Variants in NAV2 observed in about 807,000 individuals in gnomAD.
The protein encoded by NAV2 is neuron navigator 2.
Under a neutral mutation model 223.2 loss-of-function variants are expected in NAV2, and 54 were observed. The observed-to-expected ratio is 0.24, with a 90% CI of 0.19 to 0.30. NAV2 has a LOEUF of 0.30. Among genes scored for constraint, NAV2 ranks in the 10% least tolerant of loss-of-function variants. The pLI is 1.00. For missense variants in NAV2, 2,806 were observed against 3,147.5 expected (o/e 0.89, Z 2.60); for synonymous variants, 1,279 against 1,239.3 (o/e 1.03, Z -0.67).
intron 31 of NAV2, among the ~76,000 whole-genome samples, chr11:20,099,743 C>T (rs2061501343): frequency 6.6e-6 from 1 of 152,122 alleles, no homozygotes; most frequent in Non-Finnish European, 1.5e-5. Flanking sequence ...AGCTCTTGTG[C>T]AAAATAGTCA....
At chr11:19,916,524 CTG>C (rs1330027071) in intron 6 of NAV2, among the ~76,000 whole-genome samples, 1 of 152,204 alleles carries the variant, frequency 6.6e-6, no homozygotes, top group African/African-American at 2.4e-5. Flanking sequence ...GCAGTAACAA[CTG>C]TGTTAAATTG....
At chr11:19,692,827 G>A (rs981778320) in intron 1 of NAV2, among the ~76,000 whole-genome samples, 9 of 152,238 alleles carry the variant, frequency 5.9e-5, no homozygotes, top group Admixed American at 2.6e-4. Context: ...GTGCATGTGT[G>A]TTGAGGTGAG....
chr11:19,699,670 T>C (rs1412795559), intron 1 of NAV2, among the ~76,000 whole-genome samples: 1 of 152,184 alleles, frequency 6.6e-6, no homozygotes, highest in Non-Finnish European at 1.5e-5. Context: ...GCACCTTGAA[T>C]AGACGACTTT....
chr11:19,617,880 C>T (rs2046845784), intron 1 of NAV2, among the ~76,000 whole-genome samples: 1 of 152,170 alleles, frequency 6.6e-6, no homozygotes, highest in Admixed American at 6.5e-5. Context: ...ATGGCACACA[C>T]CCACTTCAGG....
chr11:19,352,530 A>G (rs958710229), intron 1 of NAV2, among the ~76,000 whole-genome samples: 3 of 152,240 alleles, frequency 2.0e-5, no homozygotes, highest in Admixed American at 6.5e-5. Context: ...GAAGTAGAAT[A>G]TAACCCCAAG....
Position 19,894,019 on chromosome 11 carries a change from A to G in NAV2, c.931+1425A>G, listed in dbSNP as rs1445870381. Among the ~76,000 whole-genome samples, 22 of 152,220 alleles carry G rather than the reference A, an allele frequency of 1.4e-4. 1 individual carries two copies. Among genetic ancestry groups the G allele is most frequent in the Admixed American group, 1.4e-3 (22 of 15,280 alleles). The stretch of plus-strand genomic sequence containing the variant: ...CATCCATAACTTTCACAATGCATAT[A>G]TGTGTATGTATATATGTATTTGTGT... On this transcript the variant is annotated intron_variant, in intron 6 of 37. Coordinates refer to ENST00000349880, the MANE Select transcript of NAV2 (RefSeq NM_145117.5).
intron 10 of NAV2, among the ~76,000 whole-genome samples, chr11:19,951,551 T>C (rs1036945285): frequency 2.8e-5 from 4 of 142,636 alleles, no homozygotes; most frequent in Non-Finnish European, 6.1e-5. Context: ...GAACAAATTG[T>C]GGCTTGTTTT....
chr11:20,080,220 A>G lies in NAV2; in HGVS notation c.5325+11A>G. ...AAGCGGAAGAACTGGGTGAGTGCAC[A>G]TCCACTCTCCTGGGGACTGACGGAC... is the stretch of plus-strand genomic sequence containing the variant. On this transcript the variant is annotated intron_variant, in intron 25 of 37. Coordinates refer to ENST00000349880, the MANE Select transcript of NAV2 (RefSeq NM_145117.5). 2 of 1,612,452 alleles carry G rather than the reference A, an allele frequency of 1.2e-6. No homozygotes were observed. The highest frequency in any genetic ancestry group is 1.1e-5 in the South Asian group (1 of 90,838).
In NAV2 at chr11:19,941,199, A is replaced by T. The variant is rs60718386; in HGVS notation, c.2146+1426A>T. Among the ~76,000 whole-genome samples the T allele has an allele frequency of 5.4e-3, 824 of 152,000 alleles. 12 individuals are homozygous for T. Among genetic ancestry groups the T allele is most frequent in the African/African-American group, 0.019 (773 of 41,428 alleles). ...GATTGCAGTGTGTGATCTTCCCCTA[A>T]TTTTTCTTTTTATCTCCATGTCTCC... On this transcript the variant is annotated intron_variant, in intron 8 of 37. Transcript: ENST00000349880.
At chr11:19,619,004 C>T (rs916202594) in intron 1 of NAV2, among the ~76,000 whole-genome samples, 7 of 7,414 alleles carry the variant, frequency 9.4e-4, no homozygotes, top group African/African-American at 3.7e-3. Flanking sequence ...TGAGAACATG[C>T]GGTGTTTGGT....
chr11:19,503,201 A>C (rs750093745), intron 1 of NAV2: 3 of 152,214 alleles, frequency 2.0e-5, no homozygotes, highest in African/African-American at 7.2e-5. Flanking sequence ...GAGATTTCCT[A>C]TATACCCCTT....
chr11:19,793,243 A>G (rs1270569693), intron 1 of NAV2, among the ~76,000 whole-genome samples: 1 of 141,114 alleles, frequency 7.1e-6, no homozygotes, highest in African/African-American at 2.5e-5. Flanking sequence ...AGAAAGAAAG[A>G]AAGAAAGGAT....
At chr11:19,801,239 A>T (rs1027091164) in intron 1 of NAV2, among the ~76,000 whole-genome samples, 2 of 152,220 alleles carry the variant, frequency 1.3e-5, no homozygotes, top group African/African-American at 4.8e-5. Flanking sequence ...ATCCCAATTT[A>T]GGGAATGGAA....
chr11:19,463,760 G>T (rs1190293022), intron 1 of NAV2, among the ~76,000 whole-genome samples: 1 of 152,142 alleles, frequency 6.6e-6, no homozygotes, highest in Non-Finnish European at 1.5e-5. Flanking sequence ...GGAATACAAG[G>T]TTTTGGAGGC....
chr11:19,448,714 GA>G (rs1217129229), intron 1 of NAV2, among the ~76,000 whole-genome samples: 2 of 152,202 alleles, frequency 1.3e-5, no homozygotes, highest in Non-Finnish European at 2.9e-5. Context: ...TTCATATTAT[GA>G]GCATTGAATG....
intron 1 of NAV2, among the ~76,000 whole-genome samples, chr11:19,377,862 G>T (rs1162877639): frequency 6.6e-6 from 1 of 152,150 alleles, no homozygotes; most frequent in Non-Finnish European, 1.5e-5. Context: ...AAACAGAGGG[G>T]CCTTTTTGTT....
At chr11:19,806,825 G>A (rs755598534) in intron 1 of NAV2, among the ~76,000 whole-genome samples, 2 of 152,170 alleles carry the variant, frequency 1.3e-5, no homozygotes, top group Non-Finnish European at 2.9e-5. Flanking sequence ...AGTAACTTGG[G>A]TGTCAGTGAA....
intron 23 of NAV2, 59 bp from the exon 24 acceptor site, chr11:20,077,934 T>A: frequency 7.3e-7 from 1 of 1,372,588 alleles, no homozygotes; most frequent in African/African-American, 1.4e-5. Flanking sequence ...AAGTTGTACT[T>A]CAGTTGAACT....
intron 4 of NAV2, among the ~76,000 whole-genome samples, chr11:19,869,580 G>T (rs1424771694): frequency 6.6e-6 from 1 of 152,166 alleles, no homozygotes; most frequent in Non-Finnish European, 1.5e-5. Context: ...TGGCTGGTTC[G>T]AATTCTCAGC....
Sources: allele counts gnomAD v4.1 joint callset (sites outside exome capture counted in the v4.1 genomes callset), GRCh38; gene constraint gnomAD v4.1.1; transcripts MANE v1.5; gene names NCBI Gene and HGNC (gene_info 2026-07-23, HGNC 2026-07-21).